The following PPFIA2 variants were observed in gnomAD, a reference collection of about 807,000 sequenced individuals.
The protein encoded by PPFIA2 is liprin-alpha-2.
PPFIA2 carries 46 observed loss-of-function variants against 175.5 expected under a neutral mutation model. The ratio of observed to expected loss-of-function variants is 0.26; its 90% confidence interval spans 0.21 to 0.34. The LOEUF (loss-of-function observed/expected upper bound fraction) is 0.34, where lower values mean the gene tolerates loss of function less well. Among genes scored for constraint, PPFIA2 ranks in the 10% least tolerant of loss-of-function variants. The pLI, the probability that PPFIA2 is intolerant of heterozygous loss-of-function variation, is 1.00. For missense variants in PPFIA2, 1,179 were observed against 1,506.1 expected (o/e 0.78, Z 3.60); for synonymous variants, 568 against 511.4 (o/e 1.11, Z -1.49).
chr12:81,308,727 A>G (rs907148854), intron 22 of PPFIA2, among the ~76,000 whole-genome samples: 1 of 152,218 alleles, frequency 6.6e-6, no homozygotes, highest in Non-Finnish European at 1.5e-5. Context: ...CCTCAGCATT[A>G]TAAAAGAACA....
chr12:81,700,700 A>C (rs892685115), intron 3 of PPFIA2, among the ~76,000 whole-genome samples: 4 of 152,160 alleles, frequency 2.6e-5, no homozygotes, highest in African/African-American at 9.6e-5. Context: ...ATAAAATGAT[A>C]ACCAAAAATT....
chr12:81,371,545 T>C (rs2035100628), intron 11 of PPFIA2, among the ~76,000 whole-genome samples: 1 of 151,442 alleles, frequency 6.6e-6, no homozygotes, highest in Non-Finnish European at 1.5e-5. Flanking sequence ...GTTTACTTAT[T>C]AAAAACACAT....
chr12:81,712,784 A>G (rs2078110670), intron 3 of PPFIA2, among the ~76,000 whole-genome samples: 1 of 149,838 alleles, frequency 6.7e-6, no homozygotes, highest in African/African-American at 2.4e-5. Context: ...ACAAAAAAAG[A>G]CTCTTACGCT....
At chr12:81,408,312 A>G (rs1010781043) in intron 7 of PPFIA2, among the ~76,000 whole-genome samples, 6 of 152,190 alleles carry the variant, frequency 3.9e-5, no homozygotes, top group Non-Finnish European at 8.8e-5. Flanking sequence ...AAAATATTCA[A>G]GTATCATTTG....
At chr12:81,575,542 C>T (rs778751137) in intron 4 of PPFIA2, among the ~76,000 whole-genome samples, 7 of 151,628 alleles carry the variant, frequency 4.6e-5, no homozygotes, top group Non-Finnish European at 1.0e-4. Context: ...TGATAGACAT[C>T]GGTGATATAA....
chr12:81,513,318 C>A (rs2062016372), intron 4 of PPFIA2, among the ~76,000 whole-genome samples: 1 of 151,970 alleles, frequency 6.6e-6, no homozygotes, highest in African/African-American at 2.4e-5. Flanking sequence ...TAAACTAGTA[C>A]AACCACTATG....
At chr12:81,661,134 A>T (rs531659663) in intron 4 of PPFIA2, among the ~76,000 whole-genome samples, 1 of 152,356 alleles carries the variant, frequency 6.6e-6, no homozygotes, top group East Asian at 1.9e-4. Context: ...AAGAAACTGC[A>T]TCAACTAACG....
chr12:81,599,292 A>G (rs1400847840), intron 4 of PPFIA2, among the ~76,000 whole-genome samples: 2 of 151,996 alleles, frequency 1.3e-5, no homozygotes, highest in Non-Finnish European at 2.9e-5. Context: ...GTAAAGGATG[A>G]TGATTTACAC....
chr12:81,304,285 T>G (rs1294002526), intron 22 of PPFIA2, among the ~76,000 whole-genome samples: 1 of 152,202 alleles, frequency 6.6e-6, no homozygotes, highest in Non-Finnish European at 1.5e-5. Context: ...GTACGCTCTG[T>G]GTCTGAGTTG....
chr12:81,474,814 A>G (rs946614901), intron 4 of PPFIA2, among the ~76,000 whole-genome samples: 2 of 152,190 alleles, frequency 1.3e-5, no homozygotes. Context: ...CTAATGAACT[A>G]TAAGTTTGCT....
At chr12:81,686,152 C>T (rs1596381024) in intron 3 of PPFIA2, among the ~76,000 whole-genome samples, 1 of 151,976 alleles carries the variant, frequency 6.6e-6, no homozygotes, top group Non-Finnish European at 1.5e-5. Context: ...AACATAAATA[C>T]TTATTCACTA....
At chr12:81,574,193 A>G (rs1285074744) in intron 4 of PPFIA2, among the ~76,000 whole-genome samples, 4 of 152,030 alleles carry the variant, frequency 2.6e-5, no homozygotes, top group African/African-American at 9.6e-5. Flanking sequence ...CTGTGCAGCC[A>G]GAAGGTTGCA....
chr12:81,266,925 T>G, intron 30 of PPFIA2, 27 bp downstream of exon 30: 2 of 1,543,288 alleles, frequency 1.3e-6, no homozygotes, highest in Non-Finnish European at 1.8e-6. Flanking sequence ...CTCTCTCAGA[T>G]CTCTTTTGAA....
intron 4 of PPFIA2, among the ~76,000 whole-genome samples, chr12:81,596,441 ATATCT>A (rs1360212400): frequency 1.2e-4 from 19 of 152,104 alleles, no homozygotes; most frequent in African/African-American, 2.4e-5. Context: ...GGTAAAATTT[ATATCT>A]TATCTTAATT....
chr12:81,551,251 C>G (rs2067869988), intron 4 of PPFIA2, among the ~76,000 whole-genome samples: 1 of 151,792 alleles, frequency 6.6e-6, no homozygotes, highest in African/African-American at 2.4e-5. Flanking sequence ...AAATGAAATT[C>G]TGGGGTGAGC....
At chr12:81,480,868 T>C (rs908350756) in intron 4 of PPFIA2, among the ~76,000 whole-genome samples, 3 of 152,094 alleles carry the variant, frequency 2.0e-5, no homozygotes, top group African/African-American at 4.8e-5. Context: ...CTATTCAACA[T>C]AGTATTGGAA....
chr12:81,620,523 C>T (rs1039045455), intron 4 of PPFIA2, among the ~76,000 whole-genome samples: 4 of 152,046 alleles, frequency 2.6e-5, no homozygotes, highest in Non-Finnish European at 4.4e-5. Flanking sequence ...TGAGAGACAG[C>T]CAGAAAGGCA....
At chr12:81,519,065 T>C (rs1446863262) in intron 4 of PPFIA2, among the ~76,000 whole-genome samples, 1 of 152,182 alleles carries the variant, frequency 6.6e-6, no homozygotes, top group Non-Finnish European at 1.5e-5. Context: ...CTTTTTGTCA[T>C]ATAACATACT....
chr12:81,728,548 C>A (rs910623647), intron 3 of PPFIA2, among the ~76,000 whole-genome samples: 1 of 151,366 alleles, frequency 6.6e-6, no homozygotes, highest in Non-Finnish European at 1.5e-5. Context: ...CTTCTCTCAG[C>A]TTCTATTATC....
Sources: allele counts gnomAD v4.1 joint callset (sites outside exome capture counted in the v4.1 genomes callset), GRCh38; gene constraint gnomAD v4.1.1; transcripts MANE v1.5; gene names NCBI Gene and HGNC (gene_info 2026-07-23, HGNC 2026-07-21).